Variants in FLT1 observed in about 807,000 individuals in gnomAD.
FLT1 encodes the protein fms related receptor tyrosine kinase 1.
A neutral mutation model predicts 156.3 loss-of-function variants in FLT1; 49 were observed. The observed-to-expected ratio is 0.31, with a 90% CI of 0.25 to 0.40. The LOEUF (loss-of-function observed/expected upper bound fraction) is 0.40, where lower values mean the gene tolerates loss of function less well. FLT1 is among the 10% of genes least tolerant of loss of function. FLT1 has a pLI of 1.00. For missense variants in FLT1, 1,322 were observed against 1,637.2 expected, an observed-to-expected ratio of 0.81 and a Z score of 3.32; for synonymous variants, 594 against 583.8, an observed-to-expected ratio of 1.02 and a Z score of -0.25.
intron 15 of FLT1, chr13:28,345,782 A>T (rs1023045510): frequency 2.4e-6 from 1 of 423,226 alleles, no homozygotes; most frequent in African/African-American, 2.0e-5. Flanking sequence ...GAACTCACAT[A>T]GAAAAGGCTT....
chr13:28,468,705 T>G (rs1390765900), intron 1 of FLT1, among the ~76,000 whole-genome samples: 1 of 152,138 alleles, frequency 6.6e-6, no homozygotes, highest in Non-Finnish European at 1.5e-5. Context: ...CCCCCTTCTC[T>G]TGTTCCTGCT....
At chr13:28,450,787 A>G (rs941536316) in intron 3 of FLT1, among the ~76,000 whole-genome samples, 1 of 152,162 alleles carries the variant, frequency 6.6e-6, no homozygotes, top group Non-Finnish European at 1.5e-5. Flanking sequence ...CAGAGAGGAG[A>G]GACTGTCCCA....
rs1189778391 is a variant in FLT1 at position 28,405,853 on chromosome 13, T to A, written c.1478A>T (p.Asp493Val). Residue 493 changes from aspartate to valine, a missense_variant, in exon 11 of 30, where the codon GAT (aspartate) becomes GTT (valine). By Grantham distance (152) the Asp-to-Val change is radical. This residue lies in a region of FLT1 where 991 missense variants were observed against 1,254.8 expected (regional missense o/e 0.79). Transcript: ENST00000282397. ...TCTGTTTCCCATGTTGCTGTCAGCA[T>A]CCAGGATAAAGGACTCTTCATTATT... Reference protein sequence around the residue: ...CSNNEESFILDADSNMGNRIE... With the variant: ...CSNNEESFILVADSNMGNRIE... 2 of 1,610,346 alleles carry A rather than the reference T, an allele frequency of 1.2e-6. No homozygotes were observed. Among genetic ancestry groups the A allele is most frequent in the East Asian group, 2.2e-5 (1 of 44,850 alleles).
chr13:28,357,868 C>CTTTTTTTTTT (rs57304530), intron 14 of FLT1, among the ~76,000 whole-genome samples, 183 bp from the exon 15 acceptor site: 32 of 104,726 alleles, frequency 3.1e-4, no homozygotes, highest in African/African-American at 8.9e-4. Flanking sequence ...CTTTTCTTTC[C>CTTTTTTTTTT]TTTTTTTTTT....
At position 28,406,030 on chromosome 13, in the gene FLT1, T is replaced by A. The variant is rs536131203; in HGVS notation, c.1437-136A>T. The A allele has an allele frequency of 2.4e-5, 16 of 672,884 alleles. No individual in the cohort carries two copies. In the East Asian group the frequency reaches 4.3e-4, roughly 18 times the overall value. 41.7% of individuals were successfully genotyped at this position (672,884 alleles called of 1,614,324 possible). ...TATGTGTGATCTTCTTTTCCTTAGA[T>A]TTTTTCCTATATTCATCCTCAAAAC... On this transcript the variant is annotated intron_variant, in intron 10 of 29. Coordinates refer to ENST00000282397, the MANE Select transcript of FLT1 (RefSeq NM_002019.4).
At chr13:28,321,913 T>C (rs1305479809) in intron 22 of FLT1, among the ~76,000 whole-genome samples, 4 of 152,266 alleles carry the variant, frequency 2.6e-5, no homozygotes. Flanking sequence ...GCTGCAGTTT[T>C]GTGGGAGGGC....
chr13:28,459,803 C>T (rs1879463695), intron 3 of FLT1, among the ~76,000 whole-genome samples: 3 of 152,222 alleles, frequency 2.0e-5, no homozygotes, highest in Admixed American at 1.3e-4. Flanking sequence ...ATTCCATTGA[C>T]ATATTTTTGA....
intron 12 of FLT1, chr13:28,396,751 C>T (rs1258240514): frequency 1.6e-5 from 11 of 670,706 alleles, no homozygotes; most frequent in Middle Eastern, 2.7e-4. Flanking sequence ...ACACAAATAA[C>T]TCTAAAAGAG....
chr13:28,412,386 T>TTCCC (rs1876330963), intron 10 of FLT1, among the ~76,000 whole-genome samples: 1 of 131,652 alleles, frequency 7.6e-6, no homozygotes, highest in African/African-American at 2.8e-5. Context: ...CTTTCTTTCT[T>TTCCC]TCTTTCTTTC....
At chr13:28,321,390 T>C (rs1469289921) in intron 23 of FLT1, 73 bp downstream of exon 23, 2 of 1,559,436 alleles carry the variant, frequency 1.3e-6, no homozygotes, top group Non-Finnish European at 1.8e-6. Context: ...TGAGGAAGTG[T>C]AAATATTTAC....
chr13:28,426,130 C>CTTTTTTTTTTT (rs113958200), intron 10 of FLT1, among the ~76,000 whole-genome samples: 11 of 131,124 alleles, frequency 8.4e-5, no homozygotes, highest in African/African-American at 3.1e-4. Context: ...TCCTGTCAAT[C>CTTTTTTTTTTT]TTTTTTTTTT....
intron 13 of FLT1, 164 bp downstream of exon 13, chr13:28,389,632 C>A: frequency 1.4e-6 from 2 of 1,480,586 alleles, no homozygotes; most frequent in Non-Finnish European, 1.8e-6. Context: ...CTCCTCCGAG[C>A]CTGAAAGTTA....
At chr13:28,449,962 C>T (rs1041963788) in intron 3 of FLT1, among the ~76,000 whole-genome samples, 5 of 151,452 alleles carry the variant, frequency 3.3e-5, no homozygotes, top group African/African-American at 1.2e-4. Flanking sequence ...CCCTGGGATG[C>T]TCTTTGGAAT....
intron 28 of FLT1, among the ~76,000 whole-genome samples, chr13:28,307,065 T>C (rs576117105): frequency 9.8e-5 from 15 of 152,378 alleles, no homozygotes; most frequent in Admixed American, 7.2e-4. Context: ...TAAACTGTGA[T>C]GCAATTTATT....
chr13:28,467,281 T>G, intron 2 of FLT1, 152 bp from the exon 3 acceptor site: 1 of 735,750 alleles, frequency 1.4e-6, no homozygotes, highest in Non-Finnish European at 2.4e-6. Flanking sequence ...TCAGAAAAGC[T>G]GTAGAACAAT....
intron 13 of FLT1, 103 bp from the exon 14 acceptor site, chr13:28,385,134 C>T: frequency 8.3e-7 from 1 of 1,200,054 alleles, no homozygotes; most frequent in South Asian, 1.2e-5. Context: ...CAAAACTCAA[C>T]TATTAGGTTT....
intron 4 of FLT1, among the ~76,000 whole-genome samples, chr13:28,436,493 G>A (rs981089908): frequency 5.9e-5 from 9 of 152,166 alleles, no homozygotes; most frequent in African/African-American, 1.7e-4. Context: ...ACTCCAGATC[G>A]TAGGCAGAAA....
chr13:28,313,342 G>A (rs1247049834), intron 25 of FLT1, among the ~76,000 whole-genome samples: 2 of 152,144 alleles, frequency 1.3e-5, no homozygotes, highest in African/African-American at 2.4e-5. Context: ...GCACGGAATC[G>A]AGGTCTGTAC....
rs111616121 is a variant in FLT1, at chr13:28,456,913, C to T, written c.388+9990G>A. Among the ~76,000 whole-genome samples the T allele has an allele frequency of 8.4e-3, 1,282 of 152,180 alleles. 26 individuals carry two copies. The highest frequency in any genetic ancestry group is 0.029 in the African/African-American group (1,193 of 41,530). Reference sequence around the variant, plus strand: ...GGCAGTGAAAATACTCTGTATGGTACTATAATAGTGGATACATGTCATTGT... The same window carrying T: ...GGCAGTGAAAATACTCTGTATGGTATTATAATAGTGGATACATGTCATTGT... On this transcript the variant is annotated intron_variant, in intron 3 of 29. Transcript: ENST00000282397.
Sources: gnomAD v4.1 joint callset for allele counts (sites outside exome capture counted in the v4.1 genomes callset) on GRCh38, gnomAD v4.1.1 for gene constraint, gnomAD v4.1.1 regional missense constraint, MANE v1.5 for transcripts, NCBI Gene and HGNC (gene_info 2026-07-23, HGNC 2026-07-21) for gene names.